Variants in DPP10 observed in about 807,000 individuals in gnomAD.
DPP10 encodes the protein dipeptidyl peptidase like 10.
DPP10 carries 33 observed loss-of-function variants against 120.9 expected under a neutral mutation model. The ratio of observed to expected loss-of-function variants is 0.27; its 90% CI spans 0.21 to 0.37. DPP10 has a LOEUF of 0.37. DPP10 is among the 10% of genes least tolerant of loss of function. The probability of loss-of-function intolerance (pLI) is 1.00; values close to 1 mark genes in which losing one functional copy is unlikely to be tolerated. For missense variants in DPP10, 816 were observed against 942.8 expected, an observed-to-expected ratio of 0.87 and a Z score of 1.76; for synonymous variants, 337 against 326.1, an observed-to-expected ratio of 1.03 and a Z score of -0.36.
chr2:115,181,253 T>C (rs767968838), intron 1 of DPP10, among the ~76,000 whole-genome samples: 7 of 152,220 alleles, frequency 4.6e-5, no homozygotes, highest in Non-Finnish European at 1.0e-4. Context: ...CCTGAAGATA[T>C]TGAGAAAGTA....
chr2:115,441,644 A>G (rs1189525898), intron 3 of DPP10, among the ~76,000 whole-genome samples: 1 of 152,122 alleles, frequency 6.6e-6, no homozygotes, highest in Admixed American at 6.6e-5. Context: ...AGCACTTGAA[A>G]TGTAATTATT....
chr2:115,709,625 TA>T (rs59775151), intron 7 of DPP10, among the ~76,000 whole-genome samples: 122,412 of 150,868 alleles, frequency 0.81, 50,064 homozygotes, highest in Middle Eastern at 0.9. Flanking sequence ...GTATTTAAAA[TA>T]AAAAAAAAAT....
chr2:115,328,534 G>C (rs2062499812), intron 2 of DPP10, among the ~76,000 whole-genome samples: 1 of 152,050 alleles, frequency 6.6e-6, no homozygotes, highest in Non-Finnish European at 1.5e-5. Flanking sequence ...AAAAATGAAA[G>C]AGCCTAGTAT....
At chr2:115,650,261 G>A (rs745465859) in intron 5 of DPP10, among the ~76,000 whole-genome samples, 3 of 152,030 alleles carry the variant, frequency 2.0e-5, no homozygotes, top group Non-Finnish European at 4.4e-5. Context: ...TTGAATCCAT[G>A]TGTTGCAAAA....
intron 1 of DPP10, among the ~76,000 whole-genome samples, chr2:115,165,677 A>G (rs907365117): frequency 6.6e-6 from 1 of 152,168 alleles, no homozygotes; most frequent in Admixed American, 6.6e-5. Flanking sequence ...TTTAATGGTC[A>G]ATCAGACAAG....
At chr2:114,828,612 A>G (rs1686776161) in intron 1 of DPP10, 1 of 152,232 alleles carries the variant, frequency 6.6e-6, no homozygotes, top group Admixed American at 6.5e-5. Flanking sequence ...TTTGTGCAAT[A>G]AATGAATACA....
chr2:114,580,431 G>C (rs1048217179), intron 1 of DPP10, among the ~76,000 whole-genome samples: 1 of 152,154 alleles, frequency 6.6e-6, no homozygotes, highest in African/African-American at 2.4e-5. Context: ...AAAGAAAAAT[G>C]GTTCTCTATT....
chr2:114,492,747 C>A (rs990731414), intron 1 of DPP10, among the ~76,000 whole-genome samples: 9 of 152,190 alleles, frequency 5.9e-5, no homozygotes, highest in African/African-American at 2.2e-4. Flanking sequence ...GCAGCAGCAG[C>A]AACATTGAGT....
chr2:115,060,013 C>T (rs1392449853), intron 1 of DPP10, among the ~76,000 whole-genome samples: 1 of 151,980 alleles, frequency 6.6e-6, no homozygotes, highest in African/African-American at 2.4e-5. Context: ...TGTTTCCAAC[C>T]CTTATCTTCA....
intron 1 of DPP10, among the ~76,000 whole-genome samples, chr2:115,067,344 C>T (rs1311831738): frequency 5.3e-5 from 8 of 151,474 alleles, no homozygotes; most frequent in South Asian, 2.1e-4. Flanking sequence ...CTCCGCCTCC[C>T]GGGTTCCCGC....
intron 3 of DPP10, among the ~76,000 whole-genome samples, chr2:115,485,547 C>G (rs2075723459): frequency 6.6e-6 from 1 of 151,292 alleles, no homozygotes; most frequent in South Asian, 2.1e-4. Flanking sequence ...GCAATACTAC[C>G]AATTTATTCA....
chr2:114,733,893 T>A (rs759151314), intron 1 of DPP10, among the ~76,000 whole-genome samples: 17 of 152,192 alleles, frequency 1.1e-4, no homozygotes, highest in Non-Finnish European at 2.5e-4. Flanking sequence ...AGTTTAGGAA[T>A]ATCATTTTAC....
chr2:115,586,529 C>T (rs1220658400), intron 5 of DPP10, among the ~76,000 whole-genome samples: 1 of 152,160 alleles, frequency 6.6e-6, no homozygotes, highest in Non-Finnish European at 1.5e-5. Flanking sequence ...CCTTATTACA[C>T]TCTCTATGAT....
chr2:115,026,489 C>T (rs1429885329), intron 1 of DPP10, among the ~76,000 whole-genome samples: 1 of 151,978 alleles, frequency 6.6e-6, no homozygotes, highest in African/African-American at 2.4e-5. Context: ...ATTGCTTTGA[C>T]TATTCTGGGT....
intron 3 of DPP10, among the ~76,000 whole-genome samples, chr2:115,381,559 A>G (rs1377583747): frequency 6.6e-6 from 1 of 152,224 alleles, no homozygotes; most frequent in African/African-American, 2.4e-5. Flanking sequence ...AGCTTGTCAA[A>G]GTCATTCTCC....
chr2:115,838,808 A>G (rs920077991), intron 24 of DPP10, among the ~76,000 whole-genome samples: 1 of 152,162 alleles, frequency 6.6e-6, no homozygotes, highest in Admixed American at 6.5e-5. Context: ...GCACACACAC[A>G]CAGGCACACA....
intron 5 of DPP10, among the ~76,000 whole-genome samples, chr2:115,565,600 T>C (rs1222000119): frequency 2.6e-5 from 4 of 152,148 alleles, no homozygotes; most frequent in Admixed American, 2.6e-4. Context: ...TTATATGGCA[T>C]GTCTGTTTTG....
chr2:115,819,650 A>G (rs1196972084), intron 21 of DPP10, among the ~76,000 whole-genome samples: 1 of 152,010 alleles, frequency 6.6e-6, no homozygotes, highest in Non-Finnish European at 1.5e-5. Context: ...TTTTTCATCA[A>G]TTATTAAGTT....
intron 1 of DPP10, among the ~76,000 whole-genome samples, chr2:114,760,508 C>G (rs1031323575): frequency 6.6e-6 from 1 of 151,564 alleles, no homozygotes; most frequent in Non-Finnish European, 1.5e-5. Context: ...TCATTTTCCT[C>G]AATTCCTTAC....
Sources: allele counts gnomAD v4.1 joint callset (sites outside exome capture counted in the v4.1 genomes callset), GRCh38; gene constraint gnomAD v4.1.1; transcripts MANE v1.5; gene names NCBI Gene and HGNC (gene_info 2026-07-23, HGNC 2026-07-21).